DOCK4: variants seen among roughly 807,000 people sequenced by gnomAD.
DOCK4 encodes the protein dedicator of cytokinesis 4.
Under a neutral mutation model 268.1 loss-of-function variants are expected in DOCK4, and 97 were observed. That is an observed-to-expected ratio of 0.36 (90% CI 0.31 to 0.43). The LOEUF is 0.43. DOCK4 is among the 20% of genes least tolerant of loss of function. DOCK4 has a pLI of 1.00. For missense variants in DOCK4, 2,145 were observed against 2,455.7 expected (o/e 0.87, Z 2.67); for synonymous variants, 954 against 887.2 (o/e 1.08, Z -1.34).
intron 12 of DOCK4, among the ~76,000 whole-genome samples, chr7:111,922,824 A>AC (rs1200495482): frequency 2.0e-5 from 3 of 150,980 alleles, no homozygotes; most frequent in Non-Finnish European, 4.4e-5. Flanking sequence ...CTCGGTATCC[A>AC]CCCGCCTCAG....
At chr7:111,916,000 G>C (rs1042072510) in intron 12 of DOCK4, 96 bp from the exon 13 acceptor site, 30 of 1,311,512 alleles carry the variant, frequency 2.3e-5, no homozygotes, top group Non-Finnish European at 3.1e-5. Context: ...AGAATATCAT[G>C]GTTTTAAACT....
chr7:112,047,195 G>A (rs190670581), intron 1 of DOCK4, among the ~76,000 whole-genome samples: 251 of 152,242 alleles, frequency 1.6e-3, no homozygotes, highest in Admixed American at 2.8e-3. Context: ...ATGATACTCT[G>A]CCCCAACTAA....
intron 2 of DOCK4, among the ~76,000 whole-genome samples, chr7:112,002,487 A>AT (rs1336427412): frequency 6.6e-6 from 1 of 152,212 alleles, no homozygotes; most frequent in African/African-American, 2.4e-5. Flanking sequence ...TATATCTGGC[A>AT]ATAACACAGG....
At chr7:111,818,616 T>C (rs1801746382) in intron 27 of DOCK4, among the ~76,000 whole-genome samples, 2 of 152,220 alleles carry the variant, frequency 1.3e-5, no homozygotes, top group African/African-American at 4.8e-5. Flanking sequence ...CTTACCTGGA[T>C]GGCTGCAGTA....
At chr7:112,069,501 C>A (rs551404027) in intron 1 of DOCK4, among the ~76,000 whole-genome samples, 1 of 152,176 alleles carries the variant, frequency 6.6e-6, no homozygotes, top group Non-Finnish European at 1.5e-5. Context: ...CTAAAACTGT[C>A]GTTCTCAGTT....
intron 1 of DOCK4, among the ~76,000 whole-genome samples, chr7:112,182,704 C>A (rs1388764197): frequency 6.6e-6 from 1 of 152,206 alleles, no homozygotes; most frequent in Non-Finnish European, 1.5e-5. Context: ...ACTGGACAGA[C>A]AGAAGAAGCA....
chr7:112,092,797 T>C (rs77012171), intron 1 of DOCK4, among the ~76,000 whole-genome samples: 8 of 152,218 alleles, frequency 5.3e-5, no homozygotes, highest in African/African-American at 1.7e-4. Flanking sequence ...AACTGCACTG[T>C]CCTTCTTCCC....
intron 8 of DOCK4, among the ~76,000 whole-genome samples, chr7:111,950,513 T>G (rs541187309): frequency 2.0e-5 from 3 of 152,358 alleles, no homozygotes; most frequent in African/African-American, 7.2e-5. Flanking sequence ...TACAGGCCCA[T>G]GAGTATTAAC....
At chr7:111,772,594 G>C (rs1479930723) in intron 36 of DOCK4, among the ~76,000 whole-genome samples, 1 of 152,080 alleles carries the variant, frequency 6.6e-6, no homozygotes, top group Non-Finnish European at 1.5e-5. Context: ...TCAGTAGTTC[G>C]AGACCAGCCT....
intron 7 of DOCK4, among the ~76,000 whole-genome samples, chr7:111,981,619 T>C (rs957099204): frequency 1.4e-4 from 22 of 152,224 alleles, no homozygotes; most frequent in African/African-American, 5.3e-4. Flanking sequence ...TGAGTTGTTT[T>C]TGGGCTATAG....
At chr7:112,194,066 A>G (rs1820208277) in intron 1 of DOCK4, among the ~76,000 whole-genome samples, 1 of 152,128 alleles carries the variant, frequency 6.6e-6, no homozygotes, top group African/African-American at 2.4e-5. Flanking sequence ...ATATATATCC[A>G]TATTGGGAGT....
In DOCK4 at chr7:111,741,628, G is replaced by A; in HGVS notation, c.4831C>T (p.His1611Tyr). 1.2e-6 allele frequency: 2 copies of A among 1,613,556 alleles called. No individual in the cohort carries two copies. The highest frequency in any genetic ancestry group is 1.7e-6 in the Non-Finnish European group (2 of 1,179,724). Residue 1611 changes from histidine to tyrosine, a missense_variant, in exon 46 of 53, where the codon CAT becomes TAT. Physicochemically the swap from His to Tyr is moderately conservative, Grantham distance 83. This residue lies in a region of DOCK4 where 1,598 missense variants were observed against 1,986.7 expected (regional missense o/e 0.80). Transcript: ENST00000428084. Reference protein sequence around the residue: ...FSACMQASPVHFPNGSPRVCR... With the variant: ...FSACMQASPVYFPNGSPRVCR... ...ACACGAGGGCTTCCATTAGGAAAAT[G>A]GACAGGACTGGCTTGCATACAAGCA... is the stretch of plus-strand genomic sequence containing the variant.
At chr7:111,781,702 G>C (rs527939137) in intron 35 of DOCK4, among the ~76,000 whole-genome samples, 12 of 152,144 alleles carry the variant, frequency 7.9e-5, no homozygotes, top group Non-Finnish European at 2.9e-5. Context: ...GAGATGAGAA[G>C]CAGTACAGCA....
chr7:112,152,595 A>G (rs1816198746), intron 1 of DOCK4, among the ~76,000 whole-genome samples: 1 of 152,316 alleles, frequency 6.6e-6, no homozygotes, highest in East Asian at 1.9e-4. Context: ...TTAAATCCCA[A>G]AAACAAACTC....
At chr7:111,859,761 G>A (rs1242742976) in intron 23 of DOCK4, among the ~76,000 whole-genome samples, 1 of 151,490 alleles carries the variant, frequency 6.6e-6, no homozygotes, top group Non-Finnish European at 1.5e-5. Context: ...TAGAGACGGG[G>A]TTTCACCGTT....
chr7:111,987,715 T>C (rs1799160849), intron 6 of DOCK4, among the ~76,000 whole-genome samples: 1 of 152,170 alleles, frequency 6.6e-6, no homozygotes, highest in Non-Finnish European at 1.5e-5. Context: ...AACTTCCTCC[T>C]TCAACAGATG....
In DOCK4 at chr7:111,872,485, A is replaced by G. The variant is rs1293686239; in HGVS notation, c.1824T>C (p.Asp608=). 4 of 1,598,442 alleles carry G rather than the reference A, an allele frequency of 2.5e-6. No homozygotes were observed. Among genetic ancestry groups the G allele is most frequent in the Non-Finnish European group, 2.6e-6 (3 of 1,171,406 alleles). ...TGCLSKLKEI[D]GSEIVKFLQD... ...TATATACCTTTACTATCTCTGAGCC[A>G]TCAATTTCTTTTAATTTAGAGAGAC... The change falls in exon 18 of 53, where the codon GAT becomes GAC. Residue 608 remains aspartate, a synonymous_variant. Transcript: ENST00000428084.
At chr7:111,762,747 A>ATT in intron 39 of DOCK4, among the ~76,000 whole-genome samples, 1 of 78,784 alleles carries the variant, frequency 1.3e-5, no homozygotes, top group Non-Finnish European at 2.7e-5. Flanking sequence ...TAAATAACCC[A>ATT]TTTTGTTTTG....
chr7:112,197,469 C>T (rs755083906), intron 1 of DOCK4, among the ~76,000 whole-genome samples: 6 of 152,144 alleles, frequency 3.9e-5, no homozygotes, highest in Non-Finnish European at 8.8e-5. Flanking sequence ...ATCTCACAAA[C>T]GTGCACAATC....
Sources: gnomAD v4.1 joint callset for allele counts (sites outside exome capture counted in the v4.1 genomes callset) on GRCh38, gnomAD v4.1.1 for gene constraint, gnomAD v4.1.1 regional missense constraint, MANE v1.5 for transcripts, NCBI Gene and HGNC (gene_info 2026-07-23, HGNC 2026-07-21) for gene names.